The following CSMD3 variants were observed in gnomAD, a reference collection of about 807,000 sequenced individuals.
CSMD3 encodes CUB and sushi domain-containing protein 3.
In CSMD3, 177 loss-of-function variants were observed where a neutral mutation model predicts 435.2. The ratio of observed to expected loss-of-function variants is 0.41; its 90% CI spans 0.36 to 0.46. The LOEUF (loss-of-function observed/expected upper bound fraction) is 0.46. Among genes scored for constraint, CSMD3 ranks in the 20% least tolerant of loss-of-function variants. CSMD3 has a pLI of 0.34. For synonymous variants in CSMD3, 1,656 were observed against 1,520.5 expected (o/e 1.09, Z -2.07); for missense variants, 4,265 against 4,504.6 (o/e 0.95, Z 1.52).
At chr8:112,637,677 G>A (rs1177887643) in intron 21 of CSMD3, among the ~76,000 whole-genome samples, 1 of 152,056 alleles carries the variant, frequency 6.6e-6, no homozygotes, top group African/African-American at 2.4e-5. Flanking sequence ...GTCCTAAGAA[G>A]AAGTAGCTTA....
At chr8:113,318,786 ATGTG>A (rs56269027) in intron 1 of CSMD3, among the ~76,000 whole-genome samples, 8,277 of 140,078 alleles carry the variant, frequency 0.059, 623 homozygotes, top group African/African-American at 0.17. Flanking sequence ...GCTGAATAAG[ATGTG>A]TGTGTGTGTG....
chr8:112,650,413 T>A (rs2131634210), intron 18 of CSMD3, 64 bp from the exon 19 acceptor site: 1 of 1,250,986 alleles, frequency 8.0e-7, no homozygotes, highest in East Asian at 2.3e-5. Context: ...CTGAAAATAA[T>A]TCCTAGTTCT....
At chr8:113,419,499 T>A (rs1332049755) in intron 1 of CSMD3, among the ~76,000 whole-genome samples, 1 of 152,146 alleles carries the variant, frequency 6.6e-6, no homozygotes, top group Non-Finnish European at 1.5e-5. Context: ...GAAGGACTAG[T>A]CTGCATAAAA....
intron 1 of CSMD3, among the ~76,000 whole-genome samples, chr8:113,339,739 AT>A (rs1389844063): frequency 6.6e-6 from 1 of 151,842 alleles, no homozygotes; most frequent in African/African-American, 2.4e-5. Context: ...TATTGCATAG[AT>A]TTTCCCTTCC....
chr8:112,591,696 T>C (rs1831205753), intron 22 of CSMD3, among the ~76,000 whole-genome samples: 1 of 152,064 alleles, frequency 6.6e-6, no homozygotes, highest in African/African-American at 2.4e-5. Flanking sequence ...GGAGTAGCAT[T>C]AAGCAGAAAT....
intron 44 of CSMD3, among the ~76,000 whole-genome samples, 179 bp from the exon 45 acceptor site, chr8:112,335,653 T>C (rs17638567): frequency 0.19 from 29,047 of 151,982 alleles, 3,181 homozygotes; most frequent in Middle Eastern, 0.34. Flanking sequence ...TGACCACATA[T>C]TTTTAAATGT....
intron 13 of CSMD3, among the ~76,000 whole-genome samples, chr8:112,752,952 G>A (rs1233865912): frequency 6.7e-6 from 1 of 149,768 alleles, no homozygotes. Flanking sequence ...CAGAGATAGG[G>A]TCTCCCTCTG....
At chr8:112,252,613 A>C (rs1423284605) in intron 63 of CSMD3, among the ~76,000 whole-genome samples, 1 of 150,946 alleles carries the variant, frequency 6.6e-6, no homozygotes, top group East Asian at 1.9e-4. Flanking sequence ...TATTAATTAG[A>C]ATTATATAAC....
At chr8:112,663,358 C>T (rs2075434746) in intron 17 of CSMD3, among the ~76,000 whole-genome samples, 1 of 151,654 alleles carries the variant, frequency 6.6e-6, no homozygotes, top group South Asian at 2.1e-4. Flanking sequence ...AAGCTGGAAA[C>T]CACCATTCTC....
intron 4 of CSMD3, among the ~76,000 whole-genome samples, chr8:113,107,982 A>G (rs546298729): frequency 1.3e-5 from 2 of 152,342 alleles, no homozygotes; most frequent in African/African-American, 4.8e-5. Context: ...ATTGATCATC[A>G]ATTTGGATTC....
chr8:113,126,954 T>C (rs572141518), intron 4 of CSMD3, among the ~76,000 whole-genome samples: 1 of 152,116 alleles, frequency 6.6e-6, no homozygotes, highest in Non-Finnish European at 1.5e-5. Flanking sequence ...TACATAACCC[T>C]TAACTTTTGC....
chr8:113,121,563 C>T (rs769973700), intron 4 of CSMD3, among the ~76,000 whole-genome samples: 3 of 152,196 alleles, frequency 2.0e-5, no homozygotes, highest in South Asian at 2.1e-4. Flanking sequence ...GCTGAATAGG[C>T]TTGAGCTCTA....
chr8:112,665,509 T>C (rs1309909583), intron 17 of CSMD3, among the ~76,000 whole-genome samples: 1 of 152,168 alleles, frequency 6.6e-6, no homozygotes, highest in Non-Finnish European at 1.5e-5. Flanking sequence ...AAATTCAATC[T>C]TCAGTCAATA....
intron 1 of CSMD3, among the ~76,000 whole-genome samples, chr8:113,382,117 G>A (rs2094418566): frequency 6.6e-6 from 1 of 152,088 alleles, no homozygotes; most frequent in African/African-American, 2.4e-5. Context: ...TCTGCTTAGA[G>A]TCCTAGATGT....
chr8:112,317,913 C>A (rs187082857), intron 47 of CSMD3, among the ~76,000 whole-genome samples: 1 of 152,144 alleles, frequency 6.6e-6, no homozygotes, highest in African/African-American at 2.4e-5. Context: ...TCCAAAAAAG[C>A]TAGAAAGAAT....
At chr8:112,946,125 T>G (rs956257722) in intron 9 of CSMD3, among the ~76,000 whole-genome samples, 6 of 151,820 alleles carry the variant, frequency 4.0e-5, no homozygotes, top group Non-Finnish European at 7.4e-5. Flanking sequence ...AATAAATCAT[T>G]AATCTAATTT....
At chr8:112,941,169 GCA>G (rs1042973143) in intron 9 of CSMD3, among the ~76,000 whole-genome samples, 1 of 151,734 alleles carries the variant, frequency 6.6e-6, no homozygotes. Flanking sequence ...GATAACACAG[GCA>G]AAAACGCTAA....
chr8:112,376,475 C>T (rs1265303633), intron 38 of CSMD3, among the ~76,000 whole-genome samples: 1 of 152,084 alleles, frequency 6.6e-6, no homozygotes, highest in East Asian at 1.9e-4. Context: ...ATTACTTGCA[C>T]ATGCTTATCA....
chr8:112,333,947 C>T (rs958865197), intron 45 of CSMD3, among the ~76,000 whole-genome samples: 25 of 152,060 alleles, frequency 1.6e-4, no homozygotes, highest in Non-Finnish European at 1.3e-4. Flanking sequence ...GTATTAGTTC[C>T]CGAATTATGA....
Sources: allele counts gnomAD v4.1 joint callset (sites outside exome capture counted in the v4.1 genomes callset), GRCh38; gene constraint gnomAD v4.1.1; transcripts MANE v1.5; gene names NCBI Gene and HGNC (gene_info 2026-07-23, HGNC 2026-07-21).